Variants in UBR4 observed in about 807,000 individuals in gnomAD.
The protein encoded by UBR4 is ubiquitin protein ligase E3 component n-recognin 4, also known as E3 ubiquitin-protein ligase UBR4.
A neutral mutation model predicts 575.6 loss-of-function variants in UBR4; 124 were observed. The observed-to-expected ratio is 0.22, with a 90% CI of 0.19 to 0.25. The LOEUF is 0.25. Ranked by LOEUF, UBR4 falls within the 10% of genes least tolerant of loss-of-function variation. The probability of loss-of-function intolerance (pLI) is 1.00; values close to 1 mark genes in which losing one functional copy is unlikely to be tolerated. For missense variants in UBR4, 4,818 were observed against 6,478.8 expected (o/e 0.74, Z 8.80); for synonymous variants, 2,455 against 2,473.7 (o/e 0.99, Z 0.22).
At chr1:19,112,964 T>C in intron 77 of UBR4, 97 bp from the exon 78 acceptor site, 1 of 1,266,426 alleles carries the variant, frequency 7.9e-7, no homozygotes, top group Non-Finnish European at 1.1e-6. Context: ...AAACTTTACA[T>C]GCATTATATA....
At position 19,155,431 on chromosome 1, in the gene UBR4, G is replaced by A; in HGVS notation, c.6300+10C>T. On this transcript the variant is annotated intron_variant, in intron 43 of 105. Transcript: ENST00000375254. Reference sequence around the variant, plus strand: ...CCGGAATAGAAGGAAATAGCAACATGTGCTCTAACCTTCAGGTCCTCATGA... The same window carrying A: ...CCGGAATAGAAGGAAATAGCAACATATGCTCTAACCTTCAGGTCCTCATGA... 1.9e-6 allele frequency: 3 copies of A among 1,608,880 alleles called. No homozygotes were observed. In the South Asian group the frequency reaches 3.3e-5, roughly 18 times the overall value.
Position 19,113,834 on chromosome 1 carries a change from C to T in UBR4, c.11329-7G>A, listed in dbSNP as rs750195722. 6.2e-7 allele frequency: 1 copy of T among 1,614,170 alleles called. No individual in the cohort carries two copies. The highest frequency in any genetic ancestry group is 1.1e-5 in the South Asian group (1 of 91,082). The stretch of plus-strand genomic sequence containing the variant: ...CTGCTGTTCCTGAGTCATCCTGCAA[C>T]CCCAAGAGGTAAGCTGTCAGGCTCC... On this transcript the variant is annotated splice_region_variant and splice_polypyrimidine_tract_variant and intron_variant, in intron 76 of 105. Coordinates refer to ENST00000375254, the MANE Select transcript of UBR4 (RefSeq NM_020765.3).
At chr1:19,154,086 AT>A (rs2086101126) in intron 44 of UBR4, 147 bp from the exon 45 acceptor site, 4 of 889,062 alleles carry the variant, frequency 4.5e-6, no homozygotes, top group Non-Finnish European at 6.9e-6. Flanking sequence ...GGTTAGTTTT[AT>A]TCCAAGCCAT....
At position 19,185,188 on chromosome 1, in the gene UBR4, G is replaced by A; in HGVS notation, c.1849C>T (p.Leu617=). The A allele has an allele frequency of 6.2e-7, 1 of 1,614,188 alleles. No homozygotes were observed. Among genetic ancestry groups the A allele is most frequent in the African/African-American group, 1.3e-5 (1 of 75,052 alleles). Residue 617 remains leucine (L), a synonymous_variant, in exon 15 of 106, where the codon CTG becomes TTG. Coordinates refer to ENST00000375254, the MANE Select transcript of UBR4 (RefSeq NM_020765.3). The stretch of plus-strand genomic sequence containing the variant: ...CTTTTAACCCGAGGAGAGCTTTCCA[G>A]TGGAGGAGGTGGGGGAGGAGGCGGA... The part of the protein sequence containing the change: ...APPPPPPPPP[L]ESSPRVKSPS...
chr1:19,096,447 G>A, intron 92 of UBR4, 76 bp downstream of exon 92: 1 of 1,559,944 alleles, frequency 6.4e-7, no homozygotes, highest in Non-Finnish European at 8.7e-7. Context: ...ATGACACAGT[G>A]GCCATAGCTT....
chr1:19,147,670 T>C (rs1287426535), intron 51 of UBR4, among the ~76,000 whole-genome samples: 2 of 152,202 alleles, frequency 1.3e-5, no homozygotes, highest in African/African-American at 2.4e-5. Context: ...TAGCAGTCTA[T>C]TTCCTGAGGG....
chr1:19,197,001 C>A, intron 8 of UBR4, 140 bp downstream of exon 8: 1 of 1,023,048 alleles, frequency 9.8e-7, no homozygotes, highest in East Asian at 2.6e-5. Flanking sequence ...GACCTCATTT[C>A]ACCTTGATGC....
chr1:19,113,075 CAG>C (rs980877611), intron 77 of UBR4: 6 of 554,994 alleles, frequency 1.1e-5, no homozygotes, highest in Non-Finnish European at 1.8e-5. Context: ...AGATAAGTGG[CAG>C]AGTCAGAACT....
At position 19,089,260 on chromosome 1, in the gene UBR4, A is replaced by G. The variant is rs2077291599; in HGVS notation, c.14212-283T>C. ...CTGTGATGACTAAAAACTAGATAAC[A>G]TATGCAAAGCATCCATCACAGAGGA... On this transcript the variant is annotated intron_variant, in intron 97 of 105. Coordinates refer to ENST00000375254, the MANE Select transcript of UBR4 (RefSeq NM_020765.3). The surrounding 1 kb of genome is among the most constrained non-coding windows in gnomAD (Gnocchi z 4.3). Among the ~76,000 whole-genome samples, 1 of 152,196 alleles carries G rather than the reference A, an allele frequency of 6.6e-6. No individual in the cohort carries two copies. Among genetic ancestry groups the G allele is most frequent in the Admixed American group, 6.5e-5 (1 of 15,282 alleles).
At chr1:19,178,297 C>T (rs1475427088) in intron 18 of UBR4, among the ~76,000 whole-genome samples, 1 of 151,926 alleles carries the variant, frequency 6.6e-6, no homozygotes, top group Admixed American at 6.6e-5. Flanking sequence ...AGCTTTAATG[C>T]AAAAAAGGAA....
chr1:19,105,997 G>GACTCT (rs1258701523), intron 83 of UBR4, among the ~76,000 whole-genome samples, 155 bp from the exon 84 acceptor site: 1 of 152,152 alleles, frequency 6.6e-6, no homozygotes. Context: ...GCTAACACAA[G>GACTCT]ACTCTACTGT....
At chr1:19,122,051 C>A in intron 66 of UBR4, 39 bp from the exon 67 acceptor site, 1 of 1,604,454 alleles carries the variant, frequency 6.2e-7, no homozygotes, top group South Asian at 1.1e-5. Flanking sequence ...AGTAACTCCA[C>A]CACATTGCCC....
intron 39 of UBR4, among the ~76,000 whole-genome samples, chr1:19,158,727 T>C (rs536203959): frequency 2.6e-5 from 4 of 151,922 alleles, no homozygotes; most frequent in African/African-American, 9.6e-5. Context: ...CCTCCCAAAG[T>C]GTGGGGATTA....
chr1:19,104,677 T>C lies in UBR4; in HGVS notation c.12646-11A>G. 1 of 1,613,806 alleles carries C rather than the reference T, an allele frequency of 6.2e-7. No individual in the cohort carries two copies. On this transcript the variant is annotated splice_polypyrimidine_tract_variant and intron_variant, in intron 85 of 105. Coordinates refer to ENST00000375254, the MANE Select transcript of UBR4 (RefSeq NM_020765.3). ...CAGACGAGCTATTTCCTAAACAGGATGACAAGTGCAGTCAGTGTGATATCA... is the reference window on the plus strand; with the variant it reads ...CAGACGAGCTATTTCCTAAACAGGACGACAAGTGCAGTCAGTGTGATATCA...
At chr1:19,147,093 A>G (rs2084975624) in intron 51 of UBR4, 93 bp from the exon 52 acceptor site, 1 of 1,394,750 alleles carries the variant, frequency 7.2e-7, no homozygotes, top group Non-Finnish European at 9.7e-7. Context: ...CACCAGGATT[A>G]TTACCTCCTC....
chr1:19,149,860 C>T (rs2085410452), intron 49 of UBR4: 10 of 1,251,190 alleles, frequency 8.0e-6, no homozygotes, highest in Non-Finnish European at 1.0e-5. Flanking sequence ...AACCCGGAAA[C>T]ACATCCTAAG....
Position 19,140,947 on chromosome 1 carries a change from G to A in UBR4, c.8489-55C>T, listed in dbSNP as rs912857166. ...ATCCCCTCCAGGTCCCATCCACAGC[G>A]CTGCTTTGGCCACCTGCTGCCCTCA... On this transcript the variant is annotated intron_variant, in intron 57 of 105. Coordinates refer to ENST00000375254, the MANE Select transcript of UBR4 (RefSeq NM_020765.3). 9 of 1,512,852 alleles carry A rather than the reference G, an allele frequency of 5.9e-6. No individual in the cohort carries two copies. The Admixed American group carries it at 7.8e-5, about 13-fold the overall frequency. 93.7% of individuals were successfully genotyped at this position (1,512,852 alleles called of 1,614,324 possible). A position where few individuals can be genotyped will look rare whatever the true frequency, so the allele number is the denominator to read the frequency against.
rs201458295 is a variant in UBR4, at chr1:19,152,496, A to G, written c.6833-20T>C. The G allele has an allele frequency of 3.9e-4, 625 of 1,613,148 alleles. No homozygotes were observed. In the African/African-American group the frequency reaches 6.9e-3, roughly 18 times the overall value. On this transcript the variant is annotated intron_variant, in intron 46 of 105. Transcript: ENST00000375254. The surrounding 1 kb of genome is among the most constrained non-coding windows in gnomAD (Gnocchi z 4.4). ...GGGTTGCTGCAGAGAACGGTACCAG[A>G]TCGTCAAGAGTCTCTCCCACCTCTG... is the stretch of plus-strand genomic sequence containing the variant.
chr1:19,145,029 C>T, intron 53 of UBR4, 122 bp from the exon 54 acceptor site: 3 of 1,071,116 alleles, frequency 2.8e-6, no homozygotes, highest in Non-Finnish European at 4.1e-6. Flanking sequence ...AAATGACAAA[C>T]ACTCACATAC....
Sources: gnomAD v4.1 joint callset for allele counts (sites outside exome capture counted in the v4.1 genomes callset) on GRCh38, gnomAD v4.1.1 for gene constraint, Gnocchi (gnomAD v3.1) non-coding constraint, MANE v1.5 for transcripts, NCBI Gene and HGNC (gene_info 2026-07-23, HGNC 2026-07-21) for gene names.